Variants in ALDH1L2 observed in about 807,000 individuals in gnomAD.
ALDH1L2 encodes the protein aldehyde dehydrogenase 1 family member L2.
ALDH1L2 carries 91 observed loss-of-function variants against 111.0 expected under a neutral mutation model. The observed-to-expected ratio is 0.82, with a 90% CI of 0.69 to 0.98. The LOEUF (loss-of-function observed/expected upper bound fraction) is 0.98, where lower values mean the gene tolerates loss of function less well. ALDH1L2 is among the 50% of genes least tolerant of loss of function. The pLI is 0.00. For synonymous variants in ALDH1L2, 374 were observed against 392.6 expected, an observed-to-expected ratio of 0.95 and a Z score of 0.56; for missense variants, 995 against 1,126.8, an observed-to-expected ratio of 0.88 and a Z score of 1.67.
Position 105,026,528 on chromosome 12 carries a change from G to C in ALDH1L2, c.2716+17C>G. ...GTGACAACAAAGGGAAGGTGAAGCA[G>C]AAAAGTAAAGCCATACCTAAGTCTT... On this transcript the variant is annotated intron_variant, in intron 22 of 22. Coordinates refer to ENST00000258494, the MANE Select transcript of ALDH1L2 (RefSeq NM_001034173.4). The C allele has an allele frequency of 1.2e-6, 2 of 1,613,666 alleles. No homozygotes were observed. The highest frequency in any genetic ancestry group is 1.7e-6 in the Non-Finnish European group (2 of 1,179,844).
At position 105,046,696 on chromosome 12, in the gene ALDH1L2, C is replaced by T. The variant is rs1441603886; in HGVS notation, c.1863+14G>A. The T allele has an allele frequency of 4.3e-6, 7 of 1,611,022 alleles. No individual in the cohort carries two copies. Among genetic ancestry groups the T allele is most frequent in the Non-Finnish European group, 5.1e-6 (6 of 1,177,518 alleles). ...AGAGGAGGCAATTCTGCACCTGGCC[C>T]TTTGTGGCCTTACCTGTGCTGGCTT... On this transcript the variant is annotated intron_variant, in intron 15 of 22. Coordinates refer to ENST00000258494, the MANE Select transcript of ALDH1L2 (RefSeq NM_001034173.4).
Position 105,066,622 on chromosome 12 carries a change from G to A in ALDH1L2, c.642C>T (p.Pro214=). 6.2e-7 allele frequency: 1 copy of A among 1,614,082 alleles called. No individual in the cohort carries two copies. Among genetic ancestry groups the A allele is most frequent in the South Asian group, 1.1e-5 (1 of 91,074 alleles). The change falls in exon 5 of 23, where the codon CCC becomes CCT. Residue 214 remains proline, a synonymous_variant. Transcript: ENST00000258494. ...CATATGTTGCCCCTTCTTCTGGCTG[G>A]GGTATACGAGGAGCTTTTCCATCAG... ...LIADGKAPRI[P]QPEEGATYEG...
Position 105,024,531 on chromosome 12 carries a change from T to C in ALDH1L2, c.2717-52A>G, listed in dbSNP as rs569260002. Reference sequence around the variant, plus strand: ...ACCACATTCAGAGGCAGACATGTGATGTCTTCAGACCTTCAGACATAGGTA... The same window carrying C: ...ACCACATTCAGAGGCAGACATGTGACGTCTTCAGACCTTCAGACATAGGTA... On this transcript the variant is annotated intron_variant, in intron 22 of 22. Transcript: ENST00000258494. 3.1e-5 allele frequency: 49 copies of C among 1,566,198 alleles called. No homozygotes were observed. In the South Asian group the frequency reaches 4.7e-4, roughly 15 times the overall value.
intron 9 of ALDH1L2, among the ~76,000 whole-genome samples, chr12:105,058,571 C>T (rs1225549414): frequency 6.6e-6 from 1 of 152,186 alleles, no homozygotes; most frequent in Non-Finnish European, 1.5e-5. Flanking sequence ...AAGACACTTT[C>T]CTAACTGTAA....
intron 9 of ALDH1L2, among the ~76,000 whole-genome samples, chr12:105,058,431 TAAA>T (rs1256148727): frequency 4.6e-5 from 7 of 152,314 alleles, no homozygotes; most frequent in Admixed American, 2.6e-4. Flanking sequence ...GGCAGTTTTT[TAAA>T]ACTTTATCCA....
chr12:105,083,669 CT>C lies in ALDH1L2; in HGVS notation c.48+719del, dbSNP rs143107970. 3.1e-3 allele frequency among the ~76,000 whole-genome samples: 472 copies of C among 152,070 alleles called. 4 individuals are homozygous for C. The highest frequency in any genetic ancestry group is 0.011 in the African/African-American group (449 of 41,460). ...CTTCCCTAAACAGTCCCGAGGCCCC[CT>C]GGGTGCTGAAGGCAGCACCGCAGTG... On this transcript the variant is annotated intron_variant, in intron 1 of 22. Coordinates refer to ENST00000258494, the MANE Select transcript of ALDH1L2 (RefSeq NM_001034173.4).
chr12:105,072,553 A>T (rs1225761053), intron 2 of ALDH1L2: 1 of 152,214 alleles, frequency 6.6e-6, no homozygotes, highest in East Asian at 1.9e-4. Context: ...AACTTAACTC[A>T]TATGTCAGAT....
chr12:105,037,069 AGTGCATAGGCTG>A (rs1875195121), intron 18 of ALDH1L2, among the ~76,000 whole-genome samples: 1 of 152,202 alleles, frequency 6.6e-6, no homozygotes, highest in Non-Finnish European at 1.5e-5. Context: ...GAGTCTGCTT[AGTGCATAGGCTG>A]GACAGTTGTA....
chr12:105,057,992 C>G (rs1436260660), intron 10 of ALDH1L2, 81 bp downstream of exon 10: 3 of 1,420,576 alleles, frequency 2.1e-6, no homozygotes, highest in Non-Finnish European at 2.8e-6. Flanking sequence ...AATATAAAAA[C>G]AAATGGGCAA....
rs1416657400 is a variant in ALDH1L2 at position 105,052,101 on chromosome 12, T to A, written c.1524A>T (p.Arg508Ser). 7.5e-6 allele frequency: 12 copies of A among 1,605,154 alleles called. No individual in the cohort carries two copies. The highest frequency in any genetic ancestry group is 1.0e-5 in the Non-Finnish European group (12 of 1,176,596). The change falls in exon 12 of 23, where the codon AGA becomes AGT. Residue 508 changes from arginine to serine, a missense_variant. Coordinates refer to ENST00000258494, the MANE Select transcript of ALDH1L2 (RefSeq NM_001034173.4). ...WGRMNARERG[R>S]LMYRLADLLE... ...AAAAATAGAAATACCTATACATCAA[T>A]CTTCCTCTTTCTCTTGCATTCATTC...
chr12:105,064,226 C>T (rs1283361989), intron 6 of ALDH1L2, among the ~76,000 whole-genome samples: 1 of 149,106 alleles, frequency 6.7e-6, no homozygotes, highest in African/African-American at 2.5e-5. Context: ...GGGTAATCCT[C>T]CCACCTCGGC....
intron 11 of ALDH1L2, 79 bp from the exon 12 acceptor site, chr12:105,052,296 A>G: frequency 7.3e-7 from 1 of 1,368,582 alleles, no homozygotes; most frequent in Non-Finnish European, 9.7e-7. Flanking sequence ...TATTAATAGA[A>G]AAAATAGAGT....
intron 15 of ALDH1L2, among the ~76,000 whole-genome samples, chr12:105,046,175 CTCTCTCTCTCTCTCTCTCTATATATA>C (rs1372397175): frequency 4.4e-3 from 140 of 31,524 alleles, no homozygotes; most frequent in East Asian, 0.013. Context: ...CTCTCTCTCT[CTCTCTCTCTCTCTCTCTCTATATATA>C]TATATATATA....
intron 9 of ALDH1L2, chr12:105,060,739 A>G (rs12367626): frequency 0.39 from 101,311 of 256,844 alleles, 22,135 homozygotes; most frequent in Middle Eastern, 0.54. Flanking sequence ...CAGGAGAATC[A>G]CTTGAACCTG....
chr12:105,074,217 G>A lies in ALDH1L2; in HGVS notation c.49-212C>T, dbSNP rs921772368. 3 of 490,492 alleles carry A rather than the reference G, an allele frequency of 6.1e-6. No individual in the cohort carries two copies. The Admixed American group carries it at 1.1e-4, about 18-fold the overall frequency. The allele number at this position is 490,492 out of a possible 1,614,324, so 30.4% of individuals were successfully genotyped here. A position where few individuals can be genotyped will look rare whatever the true frequency, so the allele number is the denominator to read the frequency against. On this transcript the variant is annotated intron_variant, in intron 1 of 22. Transcript: ENST00000258494. ...TCACGCTTATAATCCCAGCACTTTG[G>A]GAGGCCGAGGTGGGCGGATCACCTG...
rs753528939 is a variant in ALDH1L2 at position 105,070,686 on chromosome 12, C to A, written c.312G>T (p.Val104=). The change falls in exon 3 of 23, where the codon GTG becomes GTT. Residue 104 remains valine (V), a synonymous_variant. Coordinates refer to ENST00000258494, the MANE Select transcript of ALDH1L2 (RefSeq NM_001034173.4). The part of the protein sequence containing the change: ...AYRSVGAELN[V]LPFCTQFIPM... ...GAATGAACTGAGTGCAGAAAGGGAG[C>A]ACATTTAGCTCTGCACCCACGGATC... 9.9e-6 allele frequency: 16 copies of A among 1,614,172 alleles called. No homozygotes were observed. The highest frequency in any genetic ancestry group is 6.7e-5 in the Admixed American group (4 of 60,020).
At chr12:105,078,438 G>A (rs190570992) in intron 1 of ALDH1L2, among the ~76,000 whole-genome samples, 99 of 152,240 alleles carry the variant, frequency 6.5e-4, no homozygotes, top group Non-Finnish European at 1.1e-3. Flanking sequence ...CAGCCTGGGC[G>A]ACAGAGCAAG....
At chr12:105,026,515 G>A (rs776437722) in intron 22 of ALDH1L2, 30 bp downstream of exon 22, 1 of 1,612,394 alleles carries the variant, frequency 6.2e-7, no homozygotes, top group Admixed American at 1.7e-5. Flanking sequence ...GACAACAAAG[G>A]GAAGGTGAAG....
chr12:105,065,135 A>C, intron 6 of ALDH1L2, 132 bp downstream of exon 6: 4 of 508,336 alleles, frequency 7.9e-6, no homozygotes, highest in Non-Finnish European at 1.1e-5. Flanking sequence ...CATGCTGAGT[A>C]AAGGGGAGAG....
Sources: gnomAD v4.1 joint callset for allele counts (sites outside exome capture counted in the v4.1 genomes callset) on GRCh38, gnomAD v4.1.1 for gene constraint, MANE v1.5 for transcripts, NCBI Gene and HGNC (gene_info 2026-07-23, HGNC 2026-07-21) for gene names.